Variants in ME1 observed in about 807,000 individuals in gnomAD.
ME1 encodes the protein NADP-dependent malic enzyme.
In ME1, 74 loss-of-function variants were observed where a neutral mutation model predicts 66.4. The ratio of observed to expected loss-of-function variants is 1.11; its 90% CI spans 0.92 to 1.35. The LOEUF is 1.35. Among genes scored for constraint, ME1 ranks in the 40% most tolerant of loss-of-function variants. The pLI is 0.00. For missense variants in ME1, 750 were observed against 694.1 expected, an observed-to-expected ratio of 1.08 and a Z score of -0.90; for synonymous variants, 251 against 235.6, an observed-to-expected ratio of 1.07 and a Z score of -0.60.
intron 5 of ME1, among the ~76,000 whole-genome samples, chr6:83,333,774 A>C (rs747442226): frequency 5.8e-4 from 88 of 152,364 alleles, no homozygotes; most frequent in African/African-American, 2.1e-3. Context: ...AGTCAATAAA[A>C]TTAAGGGCAA....
intron 1 of ME1, among the ~76,000 whole-genome samples, chr6:83,408,376 GC>G (rs1769986673): frequency 6.6e-6 from 1 of 152,094 alleles, no homozygotes; most frequent in African/African-American, 2.4e-5. Flanking sequence ...CCAAGTTGTA[GC>G]CTTTGATTCT....
chr6:83,290,820 A>G (rs1167116632), intron 6 of ME1, among the ~76,000 whole-genome samples: 2 of 152,130 alleles, frequency 1.3e-5, no homozygotes, highest in South Asian at 2.1e-4. Context: ...TTGGGTGCAT[A>G]TATATTTAGG....
intron 6 of ME1, among the ~76,000 whole-genome samples, chr6:83,314,602 G>C (rs1329092869): frequency 1.3e-5 from 2 of 151,894 alleles, no homozygotes; most frequent in African/African-American, 4.8e-5. Context: ...TTACCTTTAG[G>C]CTATGTGTAT....
At chr6:83,286,533 T>C (rs1361232069) in intron 6 of ME1, among the ~76,000 whole-genome samples, 1 of 152,202 alleles carries the variant, frequency 6.6e-6, no homozygotes, top group Non-Finnish European at 1.5e-5. Flanking sequence ...CTTAAAGAGA[T>C]ATTTTTAAAT....
intron 1 of ME1, among the ~76,000 whole-genome samples, chr6:83,423,277 G>A (rs1025376670): frequency 6.6e-6 from 1 of 150,664 alleles, no homozygotes; most frequent in African/African-American, 2.4e-5. Context: ...CACAAATGAA[G>A]ATAAAATAGA....
intron 5 of ME1, among the ~76,000 whole-genome samples, chr6:83,332,701 G>T (rs1347732932): frequency 6.6e-6 from 1 of 152,124 alleles, no homozygotes; most frequent in Non-Finnish European, 1.5e-5. Context: ...TGGGAGTTAA[G>T]CTATGGGTAC....
chr6:83,363,085 C>A (rs1184072637), intron 3 of ME1, among the ~76,000 whole-genome samples: 1 of 152,166 alleles, frequency 6.6e-6, no homozygotes, highest in Non-Finnish European at 1.5e-5. Flanking sequence ...CACTGTCTCA[C>A]CCACAGCCAG....
intron 1 of ME1, among the ~76,000 whole-genome samples, chr6:83,421,549 C>T (rs947351661): frequency 2.0e-5 from 3 of 152,142 alleles, no homozygotes; most frequent in Admixed American, 6.5e-5. Context: ...ATCTAAAGTA[C>T]GACAAAACCA....
chr6:83,400,366 G>A (rs751048171), intron 2 of ME1, among the ~76,000 whole-genome samples: 5 of 152,102 alleles, frequency 3.3e-5, no homozygotes, highest in Non-Finnish European at 5.9e-5. Flanking sequence ...CCTCACCAAG[G>A]CAGCAGATAA....
chr6:83,356,656 A>T (rs1382863913), intron 3 of ME1, among the ~76,000 whole-genome samples: 1 of 152,202 alleles, frequency 6.6e-6, no homozygotes, highest in African/African-American at 2.4e-5. Flanking sequence ...AAGGAAGTCA[A>T]GGGGAAAAAA....
chr6:83,368,076 T>G lies in ME1; in HGVS notation c.363-15937A>C, dbSNP rs1003834961. Among the ~76,000 whole-genome samples the G allele has an allele frequency of 3.3e-5, 5 of 151,538 alleles. No homozygotes were observed. In the East Asian group the frequency reaches 7.8e-4, roughly 24 times the overall value. ...TGTCTGGGAATAGGCCCGAGAAAAG[T>G]GAGATGAGAACTGCTGTCAGTGGGG... is the stretch of plus-strand genomic sequence containing the variant. On this transcript the variant is annotated intron_variant, in intron 3 of 13. Coordinates refer to ENST00000369705, the MANE Select transcript of ME1 (RefSeq NM_002395.6).
intron 5 of ME1, among the ~76,000 whole-genome samples, chr6:83,317,030 T>A (rs761039635): frequency 3.9e-5 from 6 of 152,076 alleles, no homozygotes; most frequent in Non-Finnish European, 5.9e-5. Context: ...AATTTGTGAA[T>A]CTGGCTAATG....
rs1769975514 is a variant in ME1 at position 83,407,833 on chromosome 6, G to T, written c.147C>A (p.Asn49Lys). 1 of 1,613,442 alleles carries T rather than the reference G, an allele frequency of 6.2e-7. No individual in the cohort carries two copies. The highest frequency in any genetic ancestry group is 8.5e-7 in the Non-Finnish European group (1 of 1,179,812). Residue 49 changes from asparagine to lysine, a missense_variant, in exon 2 of 14, where the codon AAC becomes AAA. By Grantham distance (94) the Asn-to-Lys change is moderately conservative. Transcript: ENST00000369705. Reference sequence around the variant, plus strand: ...CTCTAAGAACCTGGATCTCCTGACTGTTGAAGGAAGGTGGCAACAATCCAT... The same window carrying T: ...CTCTAAGAACCTGGATCTCCTGACTTTTGAAGGAAGGTGGCAACAATCCAT... Reference protein sequence around the residue: ...NIHGLLPPSFNSQEIQVLRVV... With the variant: ...NIHGLLPPSFKSQEIQVLRVV...
At chr6:83,325,689 C>T (rs1477902559) in intron 5 of ME1, among the ~76,000 whole-genome samples, 1 of 151,902 alleles carries the variant, frequency 6.6e-6, no homozygotes, top group Non-Finnish European at 1.5e-5. Context: ...AGAAAAACTA[C>T]AAACCACTGC....
At chr6:83,301,247 C>CTT (rs113127755) in intron 6 of ME1, among the ~76,000 whole-genome samples, 1 of 150,476 alleles carries the variant, frequency 6.6e-6, no homozygotes, top group African/African-American at 2.5e-5. Context: ...TGCTTCCTTT[C>CTT]TCTTTCTTTC....
chr6:83,376,782 G>A (rs1339904972), intron 3 of ME1, among the ~76,000 whole-genome samples: 2 of 105,010 alleles, frequency 1.9e-5, no homozygotes, highest in Non-Finnish European at 3.8e-5. Context: ...CAGCCCAGGC[G>A]ACAGAACCAG....
intron 7 of ME1, among the ~76,000 whole-genome samples, chr6:83,243,830 T>C (rs1376873767): frequency 1.5e-5 from 2 of 133,944 alleles, no homozygotes; most frequent in Non-Finnish European, 3.1e-5. Flanking sequence ...TATAATATAA[T>C]ATATAATATA....
chr6:83,294,058 C>T (rs1311490893), intron 6 of ME1, among the ~76,000 whole-genome samples: 1 of 152,100 alleles, frequency 6.6e-6, no homozygotes. Context: ...AACCAGAAAA[C>T]AACATAAATG....
At chr6:83,409,642 G>A (rs3798890) in intron 1 of ME1, among the ~76,000 whole-genome samples, 38,967 of 152,176 alleles carry the variant, frequency 0.26, 5,596 homozygotes, top group Middle Eastern at 0.45. Context: ...CCAGACTGAA[G>A]AGAGACAAAT....
Sources: gnomAD v4.1 joint callset for allele counts (sites outside exome capture counted in the v4.1 genomes callset) on GRCh38, gnomAD v4.1.1 for gene constraint, MANE v1.5 for transcripts, NCBI Gene and HGNC (gene_info 2026-07-23, HGNC 2026-07-21) for gene names.